Variants in LYPD6 observed in about 807,000 individuals in gnomAD.
The protein encoded by LYPD6 is ly6/PLAUR domain-containing protein 6.
In LYPD6, 15 loss-of-function variants were observed where a neutral mutation model predicts 22.7. The ratio of observed to expected loss-of-function variants is 0.66; its 90% CI spans 0.44 to 1.02. The LOEUF (loss-of-function observed/expected upper bound fraction) is 1.02, where lower values mean the gene tolerates loss of function less well. LYPD6 is among the 50% of genes least tolerant of loss of function. The pLI is 0.00. For missense variants in LYPD6, 189 were observed against 208.4 expected (o/e 0.91, Z 0.57); for synonymous variants, 72 against 77.5 (o/e 0.93, Z 0.37).
chr2:149,364,468 C>A (rs1453883705), intron 1 of LYPD6, among the ~76,000 whole-genome samples: 1 of 151,774 alleles, frequency 6.6e-6, no homozygotes, highest in African/African-American at 2.4e-5. Flanking sequence ...CTTTTTACAG[C>A]ATCTTGTTTT....
intron 1 of LYPD6, among the ~76,000 whole-genome samples, chr2:149,412,279 C>T (rs894874277): frequency 2.0e-5 from 3 of 151,922 alleles, no homozygotes; most frequent in South Asian, 2.1e-4. Flanking sequence ...GTGTAGAAAT[C>T]GAATCTAATT....
At chr2:149,347,951 C>T (rs961703648) in intron 1 of LYPD6, among the ~76,000 whole-genome samples, 1 of 149,552 alleles carries the variant, frequency 6.7e-6, no homozygotes, top group Non-Finnish European at 1.5e-5. Context: ...CGTGGTGGCT[C>T]AAGCCTGTAA....
chr2:149,478,449 G>A (rs895168134), downstream of LYPD6, among the ~76,000 whole-genome samples: 3 of 151,040 alleles, frequency 2.0e-5, no homozygotes, highest in African/African-American at 7.3e-5. Context: ...TTAGAGACAG[G>A]GTCTCACTCT....
chr2:149,333,848 T>C lies in LYPD6; in HGVS notation c.-72+3126T>C, dbSNP rs1311299198. Among the ~76,000 whole-genome samples, 3 of 152,210 alleles carry C rather than the reference T, an allele frequency of 2.0e-5. No individual in the cohort carries two copies. In the East Asian group the frequency reaches 5.8e-4, roughly 29 times the overall value. On this transcript the variant is annotated intron_variant, in intron 1 of 4. Coordinates refer to ENST00000334166, the MANE Select transcript of LYPD6 (RefSeq NM_194317.5). ...ATGTAACACAGATTGCAGCATGTAA[T>C]GATGAATGATATGTGTTTCAATTCA...
intron 1 of LYPD6, among the ~76,000 whole-genome samples, chr2:149,346,988 T>C (rs1196694): frequency 0.65 from 99,506 of 151,952 alleles, 33,584 homozygotes; most frequent in East Asian, 0.9. Flanking sequence ...CGTGAGCCAC[T>C]GCGCCCTGCC....
chr2:149,385,481 G>A (rs1682162752), intron 1 of LYPD6, among the ~76,000 whole-genome samples: 1 of 152,228 alleles, frequency 6.6e-6, no homozygotes, highest in South Asian at 2.1e-4. Flanking sequence ...TGTCAGTCAT[G>A]TCTGTATAGG....
intron 3 of LYPD6, among the ~76,000 whole-genome samples, chr2:149,465,496 CTCTAGCATCATTTTT>C (rs1024647905): frequency 3.7e-4 from 56 of 152,286 alleles, no homozygotes; most frequent in African/African-American, 1.2e-3. Flanking sequence ...GAAAATTATT[CTCTAGCATCATTTTT>C]ATCAACCTGT....
At chr2:149,399,980 G>A (rs150575077) in intron 1 of LYPD6, among the ~76,000 whole-genome samples, 14 of 152,254 alleles carry the variant, frequency 9.2e-5, no homozygotes, top group Non-Finnish European at 1.8e-4. Context: ...CCACACTTTT[G>A]CTGGTCCACA....
chr2:149,446,025 G>T (rs1683679211), intron 2 of LYPD6, among the ~76,000 whole-genome samples: 1 of 152,040 alleles, frequency 6.6e-6, no homozygotes, highest in African/African-American at 2.4e-5. Context: ...GCATTTGTAG[G>T]GATACTAGTT....
At chr2:149,481,944 G>T in the LYPD6 span, among the ~76,000 whole-genome samples, 1 of 152,110 alleles carries the variant, frequency 6.6e-6, no homozygotes. Context: ...CAGAAGTGTT[G>T]CTTTTAGCCC....
chr2:149,339,421 C>A (rs1681118128), intron 1 of LYPD6, among the ~76,000 whole-genome samples: 1 of 152,142 alleles, frequency 6.6e-6, no homozygotes, highest in Admixed American at 6.5e-5. Context: ...AGGGATGTGC[C>A]CAGTTTCCAG....
intron 1 of LYPD6, among the ~76,000 whole-genome samples, chr2:149,331,992 C>G (rs994156077): frequency 6.6e-6 from 1 of 152,172 alleles, no homozygotes; most frequent in African/African-American, 2.4e-5. Context: ...GGATCTGCAC[C>G]TTATTTCTCT....
chr2:149,465,162 TG>T (rs1411587296), intron 3 of LYPD6, among the ~76,000 whole-genome samples: 1 of 151,884 alleles, frequency 6.6e-6, no homozygotes, highest in Non-Finnish European at 1.5e-5. Flanking sequence ...GTGTTGAAAG[TG>T]GAGAGAACAG....
At chr2:149,417,235 C>G (rs1249717660) in intron 1 of LYPD6, among the ~76,000 whole-genome samples, 1 of 152,176 alleles carries the variant, frequency 6.6e-6, no homozygotes, top group Non-Finnish European at 1.5e-5. Context: ...TGGACTTGCT[C>G]CAGAATCCCA....
Position 149,451,254 on chromosome 2 carries a change from A to G in LYPD6, c.217+2107A>G, listed in dbSNP as rs554179307. On this transcript the variant is annotated intron_variant, in intron 3 of 4. Coordinates refer to ENST00000334166, the MANE Select transcript of LYPD6 (RefSeq NM_194317.5). The stretch of plus-strand genomic sequence containing the variant: ...CGTGGCAGAAGACAAAAGGCGGGGA[A>G]GGGAACAGACCCACTCCCTCAAACC... 1.3e-4 allele frequency among the ~76,000 whole-genome samples: 20 copies of G among 152,252 alleles called. No individual in the cohort carries two copies. In the East Asian group the frequency reaches 3.3e-3, roughly 25 times the overall value.
chr2:149,468,081 T>C (rs1681242117), intron 3 of LYPD6, among the ~76,000 whole-genome samples: 1 of 149,486 alleles, frequency 6.7e-6, no homozygotes, highest in African/African-American at 2.5e-5. Context: ...GCTATGCTCA[T>C]TGGCACAAAG....
At chr2:149,355,554 G>A (rs1236888125) in intron 1 of LYPD6, among the ~76,000 whole-genome samples, 5 of 152,090 alleles carry the variant, frequency 3.3e-5, no homozygotes, top group Admixed American at 3.3e-4. Context: ...TTGGCTTTAA[G>A]ACCCGATAGT....
intron 1 of LYPD6, among the ~76,000 whole-genome samples, chr2:149,361,764 C>G (rs1681575602): frequency 6.6e-6 from 1 of 152,172 alleles, no homozygotes. Flanking sequence ...AGATTTGCAT[C>G]TTCTAATCCT....
intron 1 of LYPD6, among the ~76,000 whole-genome samples, chr2:149,363,352 A>G (rs900761041): frequency 3.3e-5 from 5 of 152,116 alleles, no homozygotes; most frequent in Admixed American, 2.0e-4. Flanking sequence ...TATTATCCCT[A>G]TTTGGCAGAT....
Sources: gnomAD v4.1 joint callset for allele counts (sites outside exome capture counted in the v4.1 genomes callset) on GRCh38, gnomAD v4.1.1 for gene constraint, MANE v1.5 for transcripts, NCBI Gene and HGNC (gene_info 2026-07-23, HGNC 2026-07-21) for gene names.